Variants in PCDHGB2 observed in about 807,000 individuals in gnomAD.
PCDHGB2 encodes the protein protocadherin gamma subfamily B, 2.
Under a neutral mutation model 59.3 loss-of-function variants are expected in PCDHGB2, and 55 were observed. The observed-to-expected ratio is 0.93, with a 90% CI of 0.75 to 1.16. The LOEUF (loss-of-function observed/expected upper bound fraction) is 1.16. PCDHGB2 is among the 50% of genes most tolerant of loss of function. PCDHGB2 has a pLI of 0.00. For synonymous variants in PCDHGB2, 516 were observed against 512.0 expected, an observed-to-expected ratio of 1.01 and a Z score of -0.11; for missense variants, 1,228 against 1,198.5, an observed-to-expected ratio of 1.02 and a Z score of -0.36.
At position 141,431,368 on chromosome 5, in the gene PCDHGB2, A is replaced by G; in HGVS notation, c.2422-63439A>G. On this transcript the variant is annotated intron_variant, in intron 1 of 3. Coordinates refer to ENST00000522605, the MANE Select transcript of PCDHGB2 (RefSeq NM_018923.3). The surrounding 1 kb of genome is among the most constrained non-coding windows in gnomAD (Gnocchi z 4.8). ...TGCTGAAACGCGCCCTGGACCGCGA[A>G]GAAAAGGCTGCTCACCACCTGGTCC... 1.9e-6 allele frequency: 3 copies of G among 1,614,002 alleles called. No individual in the cohort carries two copies. The highest frequency in any genetic ancestry group is 2.5e-6 in the Non-Finnish European group (3 of 1,180,034).
At chr5:141,383,916 T>A in intron 1 of PCDHGB2, 1 of 1,613,968 alleles carries the variant, frequency 6.2e-7, no homozygotes, top group Non-Finnish European at 8.5e-7. Context: ...CAGTTTTAGA[T>A]GTAAATGATA....
At chr5:141,478,063 A>G in intron 1 of PCDHGB2, 1 of 1,614,168 alleles carries the variant, frequency 6.2e-7, no homozygotes, top group Non-Finnish European at 8.5e-7. Context: ...TCTTGATCAA[A>G]GACAATGGGG....
chr5:141,444,001 C>G (rs2098413288), intron 1 of PCDHGB2, among the ~76,000 whole-genome samples: 1 of 151,914 alleles, frequency 6.6e-6, no homozygotes, highest in Non-Finnish European at 1.5e-5. Flanking sequence ...TTAAATGCTA[C>G]CTGGGTATTG....
rs928847931 is a variant in PCDHGB2 at position 141,385,514 on chromosome 5, G to A, written c.2421+22958G>A. 5 of 1,363,488 alleles carry A rather than the reference G, an allele frequency of 3.7e-6. No homozygotes were observed. The African/African-American group carries it at 5.9e-5, about 16-fold the overall frequency. The allele number at this position is 1,363,488 out of a possible 1,614,324, so 84.5% of individuals were successfully genotyped here. ...AGGATATAGTATTTCTTTAGTGAAA[G>A]CCTATGGACAAGATTATGAATATGT... is the stretch of plus-strand genomic sequence containing the variant. On this transcript the variant is annotated intron_variant, in intron 1 of 3. Transcript: ENST00000522605.
chr5:141,451,532 G>T (rs1168984212), intron 1 of PCDHGB2, among the ~76,000 whole-genome samples: 1 of 152,180 alleles, frequency 6.6e-6, no homozygotes, highest in African/African-American at 2.4e-5. Flanking sequence ...AAAGGAGAGT[G>T]CCAGAGAGGG....
Position 141,489,842 on chromosome 5 carries a change from A to T in PCDHGB2, c.2422-4965A>T. ...GAGCTGGTGCTAGAGCAGCAGCTGGATCGTGAAGCCCAGGCAAGACATCAG... is the reference window on the plus strand; with the variant it reads ...GAGCTGGTGCTAGAGCAGCAGCTGGTTCGTGAAGCCCAGGCAAGACATCAG... On this transcript the variant is annotated intron_variant, in intron 1 of 3. Coordinates refer to ENST00000522605, the MANE Select transcript of PCDHGB2 (RefSeq NM_018923.3). The surrounding 1 kb of genome is among the most constrained non-coding windows in gnomAD (Gnocchi z 4.5). 6.2e-7 allele frequency: 1 copy of T among 1,614,186 alleles called. No homozygotes were observed. Among genetic ancestry groups the T allele is most frequent in the South Asian group, 1.1e-5 (1 of 91,086 alleles).
At position 141,489,635 on chromosome 5, in the gene PCDHGB2, G is replaced by C. The variant is rs1380466520; in HGVS notation, c.2422-5172G>C. 2 of 1,614,142 alleles carry C rather than the reference G, an allele frequency of 1.2e-6. No homozygotes were observed. The highest frequency in any genetic ancestry group is 3.3e-5 in the Admixed American group (2 of 60,016). ...CTGGATCTCAATGACAACTCTCCTAGCTTTGCCACCCCTGAGCGAGAGATG... is the reference window on the plus strand; with the variant it reads ...CTGGATCTCAATGACAACTCTCCTACCTTTGCCACCCCTGAGCGAGAGATG... On this transcript the variant is annotated intron_variant, in intron 1 of 3. Transcript: ENST00000522605. This position sits in a 1 kb window ranked among gnomAD's most constrained non-coding sequence, Gnocchi z 4.5.
intron 1 of PCDHGB2, chr5:141,394,727 C>T (rs971156422): frequency 1.2e-6 from 2 of 1,613,318 alleles, no homozygotes; most frequent in African/African-American, 1.3e-5. Context: ...GAGATGCGCT[C>T]AAGCAGAGCC....
chr5:141,487,884 A>G lies in PCDHGB2; in HGVS notation c.2422-6923A>G. 1.3e-6 allele frequency: 1 copy of G among 766,716 alleles called. No homozygotes were observed. Among genetic ancestry groups the G allele is most frequent in the Non-Finnish European group, 2.1e-6 (1 of 481,170 alleles). 47.5% of individuals were successfully genotyped at this position (766,716 alleles called of 1,614,324 possible). On this transcript the variant is annotated intron_variant, in intron 1 of 3. Transcript: ENST00000522605. The surrounding 1 kb of genome is among the most constrained non-coding windows in gnomAD (Gnocchi z 5.0). ...GTGATCAAGAGCCAGGCTGTTGTGG[A>G]AGCATGATGATGGAATGTGGGAGCA...
At chr5:141,429,559 A>G (rs2097222911) in intron 1 of PCDHGB2, among the ~76,000 whole-genome samples, 2 of 152,146 alleles carry the variant, frequency 1.3e-5, no homozygotes, top group Admixed American at 6.5e-5. Context: ...TGATTTGATA[A>G]TATTCAGTTA....
rs923900490 is a variant in PCDHGB2, at chr5:141,383,761, C to T, written c.2421+21205C>T. 6 of 1,613,834 alleles carry T rather than the reference C, an allele frequency of 3.7e-6. No individual in the cohort carries two copies. The Admixed American group carries it at 1.0e-4, about 27-fold the overall frequency. Reference sequence around the variant, plus strand: ...TTCTTTTCGGAAAATAACTCCTAAACTTCCAAAGATGTTTCATCTGAACTC... The same window carrying T: ...TTCTTTTCGGAAAATAACTCCTAAATTTCCAAAGATGTTTCATCTGAACTC... On this transcript the variant is annotated intron_variant, in intron 1 of 3. Coordinates refer to ENST00000522605, the MANE Select transcript of PCDHGB2 (RefSeq NM_018923.3).
At chr5:141,379,573 G>C (rs1470548160) in intron 1 of PCDHGB2, 1 of 152,120 alleles carries the variant, frequency 6.6e-6, no homozygotes, top group Non-Finnish European at 1.5e-5. Context: ...GATCAGGCTG[G>C]TTTATTTTAT....
At position 141,413,564 on chromosome 5, in the gene PCDHGB2, T is replaced by C. The variant is rs762044373; in HGVS notation, c.2421+51008T>C. 9 of 1,613,760 alleles carry C rather than the reference T, an allele frequency of 5.6e-6. No homozygotes were observed. The Admixed American group carries it at 1.2e-4, about 21-fold the overall frequency. ...GGGATAGAAATAGAAGTAACTGATA[T>C]CAATGACAATGCTCCAAAATTCCAA... On this transcript the variant is annotated intron_variant, in intron 1 of 3. Coordinates refer to ENST00000522605, the MANE Select transcript of PCDHGB2 (RefSeq NM_018923.3).
rs530404769 is a variant in PCDHGB2, at chr5:141,423,267, G to C, written c.2421+60711G>C. On this transcript the variant is annotated intron_variant, in intron 1 of 3. Coordinates refer to ENST00000522605, the MANE Select transcript of PCDHGB2 (RefSeq NM_018923.3). ...TCCTGGCGGACCTCGGCAGCCTCGA[G>C]TCTCTGGCTAACTCTGAAACCTCAG... The C allele has an allele frequency of 2.5e-6, 4 of 1,613,710 alleles. No individual in the cohort carries two copies. In the South Asian group the frequency reaches 4.4e-5, roughly 18 times the overall value.
In PCDHGB2 at chr5:141,395,138, C is replaced by T. The variant is rs147992300; in HGVS notation, c.2421+32582C>T. 1,238 of 1,614,204 alleles carry T rather than the reference C, an allele frequency of 7.7e-4. 19 individuals are homozygous for T. In the East Asian group the frequency reaches 0.018, roughly 24 times the overall value. On this transcript the variant is annotated intron_variant, in intron 1 of 3. Transcript: ENST00000522605. ...ACCTGATCTTTCCCCAGCCCAACTA[C>T]GCAGACATGCTCATCAGTCAGGAGG...
chr5:141,390,999 A>C (rs982856270), intron 1 of PCDHGB2: 23 of 152,216 alleles, frequency 1.5e-4, no homozygotes, highest in African/African-American at 5.6e-4. Context: ...ATTCAAGCTC[A>C]TTCTATATCC....
At chr5:141,462,036 G>T (rs760555655) in intron 1 of PCDHGB2, among the ~76,000 whole-genome samples, 6 of 151,978 alleles carry the variant, frequency 3.9e-5, no homozygotes, top group Non-Finnish European at 8.8e-5. Flanking sequence ...TTGGTCAGGC[G>T]GGTCTTGAAC....
chr5:141,449,804 T>C (rs991937787), intron 1 of PCDHGB2, among the ~76,000 whole-genome samples: 2 of 151,676 alleles, frequency 1.3e-5, no homozygotes, highest in Non-Finnish European at 2.9e-5. Flanking sequence ...AAATACCTCA[T>C]TGTGTATTTC....
At chr5:141,436,214 A>G (rs1242199916) in intron 1 of PCDHGB2, among the ~76,000 whole-genome samples, 5 of 152,160 alleles carry the variant, frequency 3.3e-5, no homozygotes, top group African/African-American at 7.2e-5. Context: ...AGGAAAACAA[A>G]TGACTTGGGA....
Sources: allele counts gnomAD v4.1 joint callset (sites outside exome capture counted in the v4.1 genomes callset), GRCh38; gene constraint gnomAD v4.1.1; non-coding constraint Gnocchi (gnomAD v3.1); transcripts MANE v1.5; gene names NCBI Gene and HGNC (gene_info 2026-07-23, HGNC 2026-07-21).